Variants in GMDS observed in about 807,000 individuals in gnomAD.
GMDS encodes the protein GDP-mannose 4,6-dehydratase.
GMDS carries 20 observed loss-of-function variants against 49.9 expected under a neutral mutation model. The observed-to-expected ratio is 0.40, with a 90% confidence interval of 0.28 to 0.58. The LOEUF is 0.58. Ranked by LOEUF, GMDS falls within the 20% of genes least tolerant of loss-of-function variation. GMDS has a pLI of 0.42. For missense variants in GMDS, 362 were observed against 481.4 expected, an observed-to-expected ratio of 0.75 and a Z score of 2.32; for synonymous variants, 177 against 178.6, an observed-to-expected ratio of 0.99 and a Z score of 0.07.
In GMDS at chr6:2,243,840, CTTCTTTT is replaced by C. The variant is rs1561686267; in HGVS notation, c.102+1474_102+1480del. 4.9e-4 allele frequency among the ~76,000 whole-genome samples: 62 copies of C among 127,144 alleles called. 1 individual carries two copies. The highest frequency in any genetic ancestry group is 3.3e-3 in the East Asian group (15 of 4,480). The allele number at this position is 127,144 out of a possible 152,430, so 83.4% of individuals were successfully genotyped here. A position where few individuals can be genotyped will look rare whatever the true frequency, so the allele number is the denominator to read the frequency against. ...TGCATCTGGCCAATTTCAACTTCTCCTTCTTTTTTTTTTTTTTTTTTTTTTTTTTTTT... is the reference window on the plus strand; with the variant it reads ...TGCATCTGGCCAATTTCAACTTCTCCTTTTTTTTTTTTTTTTTTTTTTTTT... On this transcript the variant is annotated intron_variant, in intron 1 of 10. Transcript: ENST00000380815.
chr6:1,839,866 T>C (rs1281866933), intron 7 of GMDS, among the ~76,000 whole-genome samples: 7 of 152,238 alleles, frequency 4.6e-5, no homozygotes, highest in Non-Finnish European at 4.4e-5. Flanking sequence ...TGGCCAGCCC[T>C]CTGCGCCTTT....
chr6:1,869,263 C>T (rs960647314), intron 7 of GMDS, among the ~76,000 whole-genome samples: 3 of 152,128 alleles, frequency 2.0e-5, no homozygotes, highest in East Asian at 3.8e-4. Context: ...TTTTCAAAGT[C>T]GTAGATTGTT....
At chr6:2,194,378 A>C (rs1779190902) in intron 1 of GMDS, among the ~76,000 whole-genome samples, 1 of 152,254 alleles carries the variant, frequency 6.6e-6, no homozygotes, top group Non-Finnish European at 1.5e-5. Context: ...GTTGGGGAAA[A>C]TATGCTTCAT....
At chr6:2,070,214 A>G (rs1449494491) in intron 4 of GMDS, among the ~76,000 whole-genome samples, 1 of 148,034 alleles carries the variant, frequency 6.8e-6, no homozygotes, top group Non-Finnish European at 1.5e-5. Context: ...TGGCAATTGA[A>G]CAATGAGAAC....
chr6:1,764,815 G>A (rs147258713), intron 7 of GMDS, among the ~76,000 whole-genome samples: 92 of 152,240 alleles, frequency 6.0e-4, no homozygotes, highest in Non-Finnish European at 1.1e-3. Flanking sequence ...GCCCAAAATC[G>A]TTTGGTTATA....
intron 7 of GMDS, among the ~76,000 whole-genome samples, chr6:1,826,809 G>GTAATACCAGTGTT (rs1771132360): frequency 6.6e-6 from 1 of 152,104 alleles, no homozygotes; most frequent in African/African-American, 2.4e-5. Flanking sequence ...GCTCATGCCT[G>GTAATACCAGTGTT]TAATACCAGT....
chr6:1,978,687 G>T (rs1011471590), intron 4 of GMDS, among the ~76,000 whole-genome samples: 1 of 152,158 alleles, frequency 6.6e-6, no homozygotes, highest in African/African-American at 2.4e-5. Flanking sequence ...GGGCCATGGA[G>T]AGCCCAAACC....
chr6:1,810,770 T>C (rs1452842885), intron 7 of GMDS, among the ~76,000 whole-genome samples: 2 of 152,182 alleles, frequency 1.3e-5, no homozygotes, highest in East Asian at 1.9e-4. Flanking sequence ...AATGGCGAGA[T>C]CAGATTGGCA....
rs369549752 is a variant in GMDS, at chr6:1,918,849, T to C, written c.771+11254A>G. ...GGAAACTGGCCACTGTGTGAGAACA[T>C]ATAGACGTTACTTCCTTTCATTTAT... On this transcript the variant is annotated intron_variant, in intron 7 of 10. Transcript: ENST00000380815. Among the ~76,000 whole-genome samples, 4 of 150,510 alleles carry C rather than the reference T, an allele frequency of 2.7e-5. No homozygotes were observed. The East Asian group carries it at 5.9e-4, about 22-fold the overall frequency.
intron 4 of GMDS, among the ~76,000 whole-genome samples, chr6:2,087,153 C>T (rs973392486): frequency 2.6e-5 from 4 of 152,096 alleles, no homozygotes; most frequent in Non-Finnish European, 4.4e-5. Context: ...CCAACCAGAA[C>T]GAATTGCTTT....
At chr6:1,768,914 T>C (rs1185442812) in intron 7 of GMDS, among the ~76,000 whole-genome samples, 1 of 152,232 alleles carries the variant, frequency 6.6e-6, no homozygotes, top group Admixed American at 6.5e-5. Flanking sequence ...TCTCATTTTT[T>C]GTGTGCTTAT....
At chr6:1,852,895 G>A (rs1204779544) in intron 7 of GMDS, among the ~76,000 whole-genome samples, 2 of 151,870 alleles carry the variant, frequency 1.3e-5, no homozygotes, top group African/African-American at 4.8e-5. Context: ...TAGTGGAGAT[G>A]GTGTGCCTGT....
chr6:1,755,776 G>A (rs1263128548), intron 7 of GMDS, among the ~76,000 whole-genome samples: 1 of 152,150 alleles, frequency 6.6e-6, no homozygotes, highest in Non-Finnish European at 1.5e-5. Context: ...ATGGATTAAA[G>A]ACTTAAGTAA....
intron 7 of GMDS, among the ~76,000 whole-genome samples, chr6:1,786,671 C>T (rs967659536): frequency 9.9e-5 from 15 of 152,114 alleles, no homozygotes; most frequent in Admixed American, 8.5e-4. Context: ...CCTGGAAGCT[C>T]GAAGCAATGC....
At chr6:1,662,000 C>T (rs72838825) in intron 9 of GMDS, among the ~76,000 whole-genome samples, 2,629 of 152,276 alleles carry the variant, frequency 0.017, 33 homozygotes, top group South Asian at 0.036. Context: ...TGAAATCCTA[C>T]AGCAGGAGCA....
chr6:2,238,326 C>T (rs1629950), intron 1 of GMDS, among the ~76,000 whole-genome samples: 87,536 of 151,770 alleles, frequency 0.58, 28,235 homozygotes, highest in African/African-American at 0.84. Flanking sequence ...AAAGCTGCAG[C>T]GAGCTATGAT....
intron 1 of GMDS, among the ~76,000 whole-genome samples, chr6:2,141,337 C>T (rs1346793476): frequency 1.3e-5 from 2 of 152,152 alleles, no homozygotes; most frequent in African/African-American, 4.8e-5. Context: ...CCAGCTTCCA[C>T]AAGTCTAAGA....
At chr6:2,203,052 C>T (rs1244463677) in intron 1 of GMDS, among the ~76,000 whole-genome samples, 3 of 152,176 alleles carry the variant, frequency 2.0e-5, no homozygotes, top group Admixed American at 6.6e-5. Flanking sequence ...ATGGCTCATA[C>T]TTGTTAACTT....
chr6:2,005,487 T>C (rs538916661), intron 4 of GMDS, among the ~76,000 whole-genome samples: 2 of 152,222 alleles, frequency 1.3e-5, no homozygotes, highest in South Asian at 4.1e-4. Context: ...TTTTGACATG[T>C]AAAATCTACT....
Sources: allele counts gnomAD v4.1 joint callset (sites outside exome capture counted in the v4.1 genomes callset), GRCh38; gene constraint gnomAD v4.1.1; transcripts MANE v1.5; gene names NCBI Gene and HGNC (gene_info 2026-07-23, HGNC 2026-07-21).